MCM9: variants seen among roughly 807,000 people sequenced by gnomAD.
The protein encoded by MCM9 is minichromosome maintenance 9 homologous recombination repair factor.
MCM9 carries 55 observed loss-of-function variants against 72.8 expected under a neutral mutation model. The ratio of observed to expected loss-of-function variants is 0.76; its 90% confidence interval spans 0.61 to 0.95. The LOEUF is 0.95. Among genes scored for constraint, MCM9 ranks in the 40% least tolerant of loss-of-function variants. The pLI is 0.00. For synonymous variants in MCM9, 480 were observed against 503.4 expected, an observed-to-expected ratio of 0.95 and a Z score of 0.62; for missense variants, 1,279 against 1,377.0, an observed-to-expected ratio of 0.93 and a Z score of 1.13.
intron 3 of MCM9, among the ~76,000 whole-genome samples, chr6:118,925,186 G>T (rs961424756): frequency 6.6e-6 from 1 of 152,134 alleles, no homozygotes; most frequent in Non-Finnish European, 1.5e-5. Flanking sequence ...CACCATTGGG[G>T]TGGAAAGATG....
intron 9 of MCM9, among the ~76,000 whole-genome samples, chr6:118,837,419 T>C (rs1000174364): frequency 1.3e-5 from 2 of 152,202 alleles, no homozygotes; most frequent in Non-Finnish European, 2.9e-5. Flanking sequence ...GTCCTGAATA[T>C]CCTTGTTAAT....
intron 9 of MCM9, among the ~76,000 whole-genome samples, chr6:118,843,655 T>TACACAC (rs1491542240): frequency 2.6e-5 from 1 of 38,616 alleles, no homozygotes; most frequent in African/African-American, 9.9e-5. Context: ...TATATATATA[T>TACACAC]GTGTATATAT....
rs924475605 is a variant in MCM9 at position 118,826,371 on chromosome 6, C to T, written c.1816-79G>A. 204 of 1,443,498 alleles carry T rather than the reference C, an allele frequency of 1.4e-4. 2 individuals are homozygous for T. In the East Asian group the frequency reaches 5.1e-3, roughly 36 times the overall value. 89.4% of individuals were successfully genotyped at this position (1,443,498 alleles called of 1,614,324 possible). A position where few individuals can be genotyped will look rare whatever the true frequency, so the allele number is the denominator to read the frequency against. ...AAGTACACTCTAGGGACCAGCAATC[C>T]CCGGGGGCTAAGACCGCCGTTTACA... On this transcript the variant is annotated intron_variant, in intron 12 of 13. Transcript: ENST00000619706.
In MCM9 at chr6:118,843,712, A is replaced by G. The variant is rs1470790483; in HGVS notation, c.1325+12659T>C. ...TGTATATATATATATATGTATGTAT[A>G]TATATATGTATATATATATATATAT... On this transcript the variant is annotated intron_variant, in intron 9 of 13. Transcript: ENST00000619706. 8.7e-3 allele frequency among the ~76,000 whole-genome samples: 690 copies of G among 79,232 alleles called. 24 individuals are homozygous for G. The highest frequency in any genetic ancestry group is 0.03 in the African/African-American group (640 of 21,032). 52.0% of individuals were successfully genotyped at this position (79,232 alleles called of 152,430 possible).
intron 9 of MCM9, among the ~76,000 whole-genome samples, chr6:118,843,655 T>TATACACACGTATATATATATATATATAC (rs1491542240): frequency 1.8e-4 from 7 of 38,616 alleles, no homozygotes; most frequent in African/African-American, 6.9e-4. Flanking sequence ...TATATATATA[T>TATACACACGTATATATATATATATATAC]GTGTATATAT....
At chr6:118,862,931 T>C (rs1346319741) in intron 8 of MCM9, among the ~76,000 whole-genome samples, 1 of 152,080 alleles carries the variant, frequency 6.6e-6, no homozygotes, top group African/African-American at 2.4e-5. Flanking sequence ...ATAAAGACTT[T>C]CTCAAAGATT....
At chr6:118,848,330 G>A (rs1366281515) in intron 9 of MCM9, among the ~76,000 whole-genome samples, 1 of 151,832 alleles carries the variant, frequency 6.6e-6, no homozygotes, top group African/African-American at 2.4e-5. Flanking sequence ...TCCCAAGTGA[G>A]GAGAAATGAG....
At chr6:118,893,570 T>A (rs1779096186) in intron 8 of MCM9, among the ~76,000 whole-genome samples, 1 of 152,198 alleles carries the variant, frequency 6.6e-6, no homozygotes, top group African/African-American at 2.4e-5. Context: ...CCCTTCATTT[T>A]GTGTTGCTTA....
intron 9 of MCM9, among the ~76,000 whole-genome samples, chr6:118,831,733 C>A (rs2114568482): frequency 6.6e-6 from 1 of 152,274 alleles, no homozygotes; most frequent in South Asian, 2.1e-4. Flanking sequence ...TGAATGAATT[C>A]ATAGACTGTA....
At chr6:118,926,741 T>C (rs2114411630) in intron 3 of MCM9, among the ~76,000 whole-genome samples, 1 of 152,348 alleles carries the variant, frequency 6.6e-6, no homozygotes, top group Non-Finnish European at 1.5e-5. Flanking sequence ...ACTACAAACA[T>C]TTGTATGCAA....
rs1006609077 is a variant in MCM9 at position 118,872,569 on chromosome 6, G to A, written c.1151-16024C>T. Among the ~76,000 whole-genome samples, 6 of 151,946 alleles carry A rather than the reference G, an allele frequency of 3.9e-5. No homozygotes were observed. The East Asian group carries it at 9.8e-4, about 25-fold the overall frequency. ...CAAGGCTGTAGTGCACAATGATTGT[G>A]CCTGGAGGATAGCAACTATACTCCA... On this transcript the variant is annotated intron_variant, in intron 8 of 13. Transcript: ENST00000619706.
chr6:118,913,194 T>C, intron 7 of MCM9, 101 bp downstream of exon 7: 1 of 1,349,102 alleles, frequency 7.4e-7, no homozygotes. Context: ...AGATTACAAT[T>C]GGAAAATAAA....
At chr6:118,886,352 A>AAG (rs888227703) in intron 8 of MCM9, among the ~76,000 whole-genome samples, 14 of 151,382 alleles carry the variant, frequency 9.2e-5, no homozygotes, top group East Asian at 7.7e-4. Context: ...AAAAAGAAAA[A>AAG]AGAGAGAGAG....
intron 13 of MCM9, among the ~76,000 whole-genome samples, chr6:118,816,499 C>G (rs763995379): frequency 7.2e-5 from 11 of 152,144 alleles, no homozygotes; most frequent in Non-Finnish European, 1.3e-4. Flanking sequence ...CAGATAAACA[C>G]TAATTTAACC....
At chr6:118,877,895 G>A (rs958472198) in intron 8 of MCM9, among the ~76,000 whole-genome samples, 3 of 152,188 alleles carry the variant, frequency 2.0e-5, no homozygotes, top group Non-Finnish European at 4.4e-5. Flanking sequence ...TGGTGTGGTG[G>A]CTCTCACCTG....
chr6:118,861,147 T>TACCG (rs1776877590), intron 8 of MCM9, among the ~76,000 whole-genome samples: 1 of 152,148 alleles, frequency 6.6e-6, no homozygotes, highest in African/African-American at 2.4e-5. Flanking sequence ...CAGCTCCAGG[T>TACCG]ACCGGTTCCA....
At chr6:118,925,622 G>A (rs1781831448) in intron 3 of MCM9, among the ~76,000 whole-genome samples, 1 of 152,106 alleles carries the variant, frequency 6.6e-6, no homozygotes, top group Non-Finnish European at 1.5e-5. Flanking sequence ...GGTGGCCATT[G>A]CCAACATTTG....
chr6:118,874,885 G>A (rs1004236015), intron 8 of MCM9, among the ~76,000 whole-genome samples: 7 of 152,158 alleles, frequency 4.6e-5, no homozygotes, highest in Non-Finnish European at 7.4e-5. Flanking sequence ...AGGCTGAGGC[G>A]GGTGGATCAC....
In MCM9 at chr6:118,814,690, T is replaced by G; in HGVS notation, c.*134A>C. On this transcript the variant is annotated 3_prime_UTR_variant, in exon 14 of 14. Coordinates refer to ENST00000619706, the MANE Select transcript of MCM9 (RefSeq NM_017696.3). Reference sequence around the variant, plus strand: ...AGATTAACCTGAAATTAGAAAGCCTTAAGGGGGAGCCAGTATTCAGAGTGA... The same window carrying G: ...AGATTAACCTGAAATTAGAAAGCCTGAAGGGGGAGCCAGTATTCAGAGTGA... The G allele has an allele frequency of 1.2e-6, 1 of 856,364 alleles. No individual in the cohort carries two copies. Among genetic ancestry groups the G allele is most frequent in the East Asian group, 2.8e-5 (1 of 36,280 alleles). The allele number at this position is 856,364 out of a possible 1,614,324, so 53.0% of individuals were successfully genotyped here. A position where few individuals can be genotyped will look rare whatever the true frequency, so the allele number is the denominator to read the frequency against.
Sources: allele counts gnomAD v4.1 joint callset (sites outside exome capture counted in the v4.1 genomes callset), GRCh38; gene constraint gnomAD v4.1.1; transcripts MANE v1.5; gene names NCBI Gene and HGNC (gene_info 2026-07-23, HGNC 2026-07-21).